Variants in MICU2 observed in about 807,000 individuals in gnomAD.
MICU2 encodes the protein calcium uptake protein 2, mitochondrial.
MICU2 carries 64 observed loss-of-function variants against 60.4 expected under a neutral mutation model. The ratio of observed to expected loss-of-function variants is 1.06; its 90% CI spans 0.87 to 1.31. The LOEUF is 1.31. MICU2 is among the 50% of genes most tolerant of loss of function. MICU2 has a pLI of 0.00. For synonymous variants in MICU2, 201 were observed against 175.0 expected, an observed-to-expected ratio of 1.15 and a Z score of -1.17; for missense variants, 569 against 531.0, an observed-to-expected ratio of 1.07 and a Z score of -0.70.
intron 4 of MICU2, among the ~76,000 whole-genome samples, chr13:21,525,181 A>ATTTTTTTTTTTTTTTTTTTTTTTTTTTTT (rs71093324): frequency 1.2e-5 from 1 of 83,300 alleles, no homozygotes; most frequent in African/African-American, 5.2e-5. Context: ...GTGTAATTCA[A>ATTTTTTTTTTTTTTTTTTTTTTTTTTTTT]TTTTTTTTTT....
At chr13:21,542,430 T>A (rs1259970561) in intron 2 of MICU2, among the ~76,000 whole-genome samples, 1 of 152,228 alleles carries the variant, frequency 6.6e-6, no homozygotes, top group East Asian at 1.9e-4. Flanking sequence ...TTTGTTTTTT[T>A]CAATGTAGGG....
rs9509770 is a variant in MICU2 at position 21,511,120 on chromosome 13, G to C, written c.664-1019C>G. 6.5e-3 allele frequency among the ~76,000 whole-genome samples: 987 copies of C among 152,314 alleles called. 4 individuals are homozygous for C. The highest frequency in any genetic ancestry group is 0.01 in the Non-Finnish European group (684 of 68,022). On this transcript the variant is annotated intron_variant, in intron 7 of 11. Transcript: ENST00000382374. ...TGGAACATTTTAATAGAATCACAGA[G>C]AGAAAGCAGAGTCTAGGTGCTCCAG...
At chr13:21,577,187 C>T (rs1298768655) in intron 1 of MICU2, among the ~76,000 whole-genome samples, 1 of 152,220 alleles carries the variant, frequency 6.6e-6, no homozygotes, top group Non-Finnish European at 1.5e-5. Context: ...ACAGATTTGA[C>T]TTGCTGGGGT....
At chr13:21,565,290 G>A (rs1048830063) in intron 2 of MICU2, among the ~76,000 whole-genome samples, 2 of 152,174 alleles carry the variant, frequency 1.3e-5, no homozygotes, top group African/African-American at 4.8e-5. Context: ...CACTTTGGGA[G>A]GCCAAGGGGG....
intron 2 of MICU2, 73 bp from the exon 3 acceptor site, chr13:21,539,761 T>C: frequency 7.4e-7 from 1 of 1,358,438 alleles, no homozygotes; most frequent in Non-Finnish European, 1.0e-6. Flanking sequence ...AGAAAGAAAA[T>C]TATTTAAAAG....
intron 4 of MICU2, among the ~76,000 whole-genome samples, chr13:21,527,945 T>C (rs757879705): frequency 1.8e-4 from 28 of 152,220 alleles, no homozygotes; most frequent in Non-Finnish European, 3.7e-4. Flanking sequence ...GATGGAACCA[T>C]TCTAAAATAT....
chr13:21,511,263 A>C (rs904223616), intron 7 of MICU2, among the ~76,000 whole-genome samples: 1 of 152,180 alleles, frequency 6.6e-6, no homozygotes, highest in East Asian at 1.9e-4. Flanking sequence ...ATATGGTGGG[A>C]AGAGTATTAA....
intron 2 of MICU2, among the ~76,000 whole-genome samples, chr13:21,551,832 T>TATCA (rs1364918079): frequency 6.6e-6 from 1 of 151,174 alleles, no homozygotes; most frequent in Middle Eastern, 3.4e-3. Context: ...TAATCCAGTC[T>TATCA]TTGTTGGACA....
chr13:21,527,191 T>G (rs1886880538), intron 4 of MICU2, among the ~76,000 whole-genome samples: 1 of 152,204 alleles, frequency 6.6e-6, no homozygotes, highest in South Asian at 2.1e-4. Context: ...ATTAAATGTG[T>G]TTTGTCATAT....
chr13:21,584,018 C>T (rs1031945645), intron 1 of MICU2, among the ~76,000 whole-genome samples: 2 of 152,126 alleles, frequency 1.3e-5, no homozygotes, highest in African/African-American at 4.8e-5. Flanking sequence ...TTCATATTTT[C>T]CTTTGAAATA....
At chr13:21,551,133 ACT>A (rs1470573957) in intron 2 of MICU2, among the ~76,000 whole-genome samples, 1 of 152,140 alleles carries the variant, frequency 6.6e-6, no homozygotes, top group Non-Finnish European at 1.5e-5. Context: ...TTGTGTACAC[ACT>A]GACTCCCTTG....
At position 21,502,787 on chromosome 13, in the gene MICU2, T is replaced by C. The variant is rs941523569; in HGVS notation, c.933+139A>G. 7 of 731,482 alleles carry C rather than the reference T, an allele frequency of 9.6e-6. 1 individual carries two copies. In the Admixed American group the frequency reaches 1.6e-4, roughly 16 times the overall value. 45.3% of individuals were successfully genotyped at this position (731,482 alleles called of 1,614,324 possible). A position where few individuals can be genotyped will look rare whatever the true frequency, so the allele number is the denominator to read the frequency against. ...AGTTTTCCTTTACAGGAGAAGAGCA[T>C]GTAGAGAACATTCCTCAAGTTGATT... On this transcript the variant is annotated intron_variant, in intron 9 of 11. Transcript: ENST00000382374.
intron 1 of MICU2, among the ~76,000 whole-genome samples, chr13:21,572,409 A>G (rs1415577984): frequency 1.3e-5 from 2 of 152,192 alleles, no homozygotes; most frequent in Non-Finnish European, 2.9e-5. Context: ...TTCCTGTGAG[A>G]CTTCCGTTAG....
At chr13:21,603,702 G>C (rs1035250709) in intron 1 of MICU2, 4 of 559,460 alleles carry the variant, frequency 7.1e-6, no homozygotes, top group Non-Finnish European at 1.3e-5. Context: ...AGCGTCCGCG[G>C]GGTTCTCCCA....
chr13:21,562,614 A>G (rs1465817467), intron 2 of MICU2, among the ~76,000 whole-genome samples: 2 of 152,180 alleles, frequency 1.3e-5, no homozygotes, highest in Non-Finnish European at 2.9e-5. Flanking sequence ...TCCACTTTCA[A>G]ATAACACTAT....
intron 1 of MICU2, among the ~76,000 whole-genome samples, chr13:21,576,935 C>A (rs1314540044): frequency 6.6e-6 from 1 of 151,992 alleles, no homozygotes; most frequent in Non-Finnish European, 1.5e-5. Flanking sequence ...TTATCCAAAA[C>A]AAAAATAGAA....
intron 2 of MICU2, among the ~76,000 whole-genome samples, chr13:21,555,405 A>G (rs933358532): frequency 6.6e-6 from 1 of 152,172 alleles, no homozygotes; most frequent in African/African-American, 2.4e-5. Flanking sequence ...TATAAACAGA[A>G]CCAAAGACAA....
At chr13:21,575,117 CT>C (rs1566166193) in intron 1 of MICU2, among the ~76,000 whole-genome samples, 1 of 151,938 alleles carries the variant, frequency 6.6e-6, no homozygotes, top group East Asian at 1.9e-4. Flanking sequence ...GCTAGCATGG[CT>C]TTTTTTAGAT....
At chr13:21,570,676 A>T (rs1398188398) in intron 1 of MICU2, among the ~76,000 whole-genome samples, 2 of 152,218 alleles carry the variant, frequency 1.3e-5, no homozygotes, top group Admixed American at 6.5e-5. Flanking sequence ...TGCCTTACAC[A>T]TATTGCGACT....
Sources: gnomAD v4.1 joint callset for allele counts (sites outside exome capture counted in the v4.1 genomes callset) on GRCh38, gnomAD v4.1.1 for gene constraint, MANE v1.5 for transcripts, NCBI Gene and HGNC (gene_info 2026-07-23, HGNC 2026-07-21) for gene names.